Variants in SLC1A1 observed in about 807,000 individuals in gnomAD.
SLC1A1 encodes solute carrier family 1 member 1.
In SLC1A1, 43 loss-of-function variants were observed where a neutral mutation model predicts 53.3. That is an observed-to-expected ratio of 0.81 (90% CI 0.63 to 1.04). SLC1A1 has a LOEUF of 1.04. SLC1A1 is among the 50% of genes least tolerant of loss of function. The pLI, the probability that SLC1A1 is intolerant of heterozygous loss-of-function variation, is 0.00. For missense variants in SLC1A1, 748 were observed against 664.9 expected (o/e 1.12, Z -1.37); for synonymous variants, 307 against 243.2 (o/e 1.26, Z -2.44).
chr9:4,555,558 A>T (rs896916095), intron 2 of SLC1A1, among the ~76,000 whole-genome samples: 1 of 152,226 alleles, frequency 6.6e-6, no homozygotes, highest in Non-Finnish European at 1.5e-5. Context: ...TGAGGTGAAA[A>T]AAGCAAATAA....
At chr9:4,495,315 A>G (rs1401792290) in intron 1 of SLC1A1, among the ~76,000 whole-genome samples, 1 of 152,158 alleles carries the variant, frequency 6.6e-6, no homozygotes, top group Non-Finnish European at 1.5e-5. Context: ...CATTTAACAG[A>G]TATGTATCAG....
chr9:4,515,359 C>T (rs1181847767), intron 1 of SLC1A1, among the ~76,000 whole-genome samples: 1 of 152,052 alleles, frequency 6.6e-6, no homozygotes, highest in Non-Finnish European at 1.5e-5. Context: ...TTTAAAGTAC[C>T]AGGGGACCCA....
chr9:4,576,651 G>T lies in SLC1A1; in HGVS notation c.1081G>T (p.Val361Phe). The T allele has an allele frequency of 6.2e-7, 1 of 1,614,014 alleles. No homozygotes were observed. Among genetic ancestry groups the T allele is most frequent in the South Asian group, 1.1e-5 (1 of 91,076 alleles). ...GAGGATCACTCGATTCGTGTTACCCGTTGGTGCAACAATCAACATGGATGG... is the reference window on the plus strand; with the variant it reads ...GAGGATCACTCGATTCGTGTTACCCTTTGGTGCAACAATCAACATGGATGG... ...DKRITRFVLP[V>F]GATINMDGTA... The change falls in exon 10 of 12, where the codon GTT becomes TTT. Residue 361 changes from valine (V) to phenylalanine (F), a missense_variant. Physicochemically the swap from Val to Phe is conservative, Grantham distance 50. Coordinates refer to ENST00000262352, the MANE Select transcript of SLC1A1 (RefSeq NM_004170.6).
chr9:4,503,369 T>G lies in SLC1A1; in HGVS notation c.91+12599T>G, dbSNP rs545133180. On this transcript the variant is annotated intron_variant, in intron 1 of 11. Coordinates refer to ENST00000262352, the MANE Select transcript of SLC1A1 (RefSeq NM_004170.6). ...AACTGAATTTAAATTGAGCAAGTACTGATGTTACTGATAAGAGAAGCAGAG... is the reference window on the plus strand; with the variant it reads ...AACTGAATTTAAATTGAGCAAGTACGGATGTTACTGATAAGAGAAGCAGAG... 6.6e-5 allele frequency among the ~76,000 whole-genome samples: 10 copies of G among 152,052 alleles called. No homozygotes were observed. In the South Asian group the frequency reaches 1.9e-3, roughly 28 times the overall value.
At chr9:4,543,535 G>A (rs1416141742) in intron 1 of SLC1A1, among the ~76,000 whole-genome samples, 1 of 152,142 alleles carries the variant, frequency 6.6e-6, no homozygotes, top group Non-Finnish European at 1.5e-5. Context: ...TTCAATATGG[G>A]CATCTTGTTA....
intron 1 of SLC1A1, among the ~76,000 whole-genome samples, chr9:4,533,686 A>T (rs1394483221): frequency 6.6e-6 from 1 of 152,166 alleles, no homozygotes; most frequent in East Asian, 1.9e-4. Context: ...ATATCCAGGA[A>T]TTGAACTCAG....
chr9:4,564,523 G>A, intron 4 of SLC1A1, 65 bp downstream of exon 4: 1 of 902,844 alleles, frequency 1.1e-6, no homozygotes, highest in South Asian at 1.4e-5. Context: ...CTTGTATGTG[G>A]TTTAATATTC....
intron 2 of SLC1A1, among the ~76,000 whole-genome samples, chr9:4,554,636 G>C (rs1301754085): frequency 1.3e-5 from 2 of 152,212 alleles, no homozygotes; most frequent in African/African-American, 2.4e-5. Flanking sequence ...CTGGAGGAGG[G>C]GATGAGACAG....
intron 3 of SLC1A1, among the ~76,000 whole-genome samples, chr9:4,562,065 CTTTTTTT>C (rs745615028): frequency 2.1e-5 from 2 of 94,294 alleles, no homozygotes; most frequent in Admixed American, 1.4e-4. Context: ...GCCCTAACTA[CTTTTTTT>C]TTTTTTTTTT....
At chr9:4,532,643 A>G (rs532241017) in intron 1 of SLC1A1, among the ~76,000 whole-genome samples, 10 of 152,298 alleles carry the variant, frequency 6.6e-5, no homozygotes, top group African/African-American at 1.4e-4. Context: ...CACTCTGCAG[A>G]ATATTATCCA....
intron 8 of SLC1A1, 83 bp from the exon 9 acceptor site, chr9:4,575,918 A>G: frequency 6.6e-7 from 1 of 1,516,844 alleles, no homozygotes; most frequent in Non-Finnish European, 9.1e-7. Flanking sequence ...AATTTTATAA[A>G]TTAAAAAGAT....
chr9:4,521,219 C>T (rs753730626), intron 1 of SLC1A1, among the ~76,000 whole-genome samples: 27 of 152,160 alleles, frequency 1.8e-4, no homozygotes, highest in Non-Finnish European at 8.8e-5. Flanking sequence ...AATTGCAAAG[C>T]AACATTTTTC....
In SLC1A1 at chr9:4,583,023, G is replaced by A. The variant is rs1462509080; in HGVS notation, c.1194-15G>A. ...GTAAGTGTCTAACTCCTTTCCTGCTGGTATGTTTCTGCAGTATCACGGCCA... is the reference window on the plus strand; with the variant it reads ...GTAAGTGTCTAACTCCTTTCCTGCTAGTATGTTTCTGCAGTATCACGGCCA... On this transcript the variant is annotated splice_polypyrimidine_tract_variant and intron_variant, in intron 10 of 11. Transcript: ENST00000262352. This position sits in a 1 kb window ranked among gnomAD's most constrained non-coding sequence, Gnocchi z 4.6. The A allele has an allele frequency of 6.2e-7, 1 of 1,614,174 alleles. No homozygotes were observed. Among genetic ancestry groups the A allele is most frequent in the Admixed American group, 1.7e-5 (1 of 60,028 alleles).
intron 1 of SLC1A1, among the ~76,000 whole-genome samples, chr9:4,505,769 G>C (rs1436848036): frequency 2.0e-5 from 3 of 152,170 alleles, no homozygotes; most frequent in Non-Finnish European, 1.5e-5. Flanking sequence ...CAATTCTGCT[G>C]CCTCAGCCTC....
At chr9:4,579,192 A>G (rs1233328527) in intron 10 of SLC1A1, among the ~76,000 whole-genome samples, 2 of 152,274 alleles carry the variant, frequency 1.3e-5, no homozygotes, top group African/African-American at 4.8e-5. Flanking sequence ...GCCTGTGCCA[A>G]AGAGATTGAG....
chr9:4,576,632 C>A lies in SLC1A1; in HGVS notation c.1062C>A (p.Ile354=). Residue 354 remains isoleucine (I), a synonymous_variant, in exon 10 of 12, where the codon ATC becomes ATA. Transcript: ENST00000262352. ...AEENNQVDKR[I]TRFVLPVGAT... ...AAAATAACCAGGTGGACAAGAGGAT[C>A]ACTCGATTCGTGTTACCCGTTGGTG... 1 of 1,614,136 alleles carries A rather than the reference C, an allele frequency of 6.2e-7. No homozygotes were observed. The highest frequency in any genetic ancestry group is 8.5e-7 in the Non-Finnish European group (1 of 1,179,974).
chr9:4,506,655 G>A (rs10491732), intron 1 of SLC1A1, among the ~76,000 whole-genome samples: 40,231 of 151,994 alleles, frequency 0.26, 6,417 homozygotes, highest in South Asian at 0.4. Context: ...CCTCAAGTCA[G>A]TAACTGTGAA....
intron 1 of SLC1A1, among the ~76,000 whole-genome samples, chr9:4,511,654 A>G (rs10974585): frequency 6.6e-6 from 1 of 151,820 alleles, no homozygotes; most frequent in East Asian, 1.9e-4. Context: ...CTTTCCCCCT[A>G]AGAGCAGGAA....
chr9:4,523,492 A>T (rs1175990972), intron 1 of SLC1A1, among the ~76,000 whole-genome samples: 1 of 152,196 alleles, frequency 6.6e-6, no homozygotes, highest in East Asian at 1.9e-4. Context: ...TAATTTATAG[A>T]ACAAAAGTTA....
Sources: allele counts gnomAD v4.1 joint callset (sites outside exome capture counted in the v4.1 genomes callset), GRCh38; gene constraint gnomAD v4.1.1; non-coding constraint Gnocchi (gnomAD v3.1); transcripts MANE v1.5; gene names NCBI Gene and HGNC (gene_info 2026-07-23, HGNC 2026-07-21).